CTDP1: variants seen among roughly 807,000 people sequenced by gnomAD.
The protein encoded by CTDP1 is RNA polymerase II subunit A C-terminal domain phosphatase.
In CTDP1, 47 loss-of-function variants were observed where a neutral mutation model predicts 91.8. That is an observed-to-expected ratio of 0.51 (90% CI 0.41 to 0.65). CTDP1 has a LOEUF of 0.65. Among genes scored for constraint, CTDP1 ranks in the 30% least tolerant of loss-of-function variants. CTDP1 has a pLI of 0.00. For synonymous variants in CTDP1, 656 were observed against 598.5 expected (o/e 1.10, Z -1.40); for missense variants, 1,272 against 1,373.7 (o/e 0.93, Z 1.17).
chr18:79,749,533 C>T (rs2086952547), intron 12 of CTDP1, among the ~76,000 whole-genome samples: 1 of 134,642 alleles, frequency 7.4e-6, no homozygotes, highest in South Asian at 2.4e-4. Context: ...GGCCCGCCCC[C>T]TCCTGGACTT....
In CTDP1 at chr18:79,710,425, G is replaced by A. The variant is rs764711170; in HGVS notation, c.852G>A (p.Thr284=). The part of the protein sequence containing the change: ...RDECIDPFSK[T]GNLRNLFPCG... ...AATGTATTGACCCATTTTCTAAAAC[G>A]GGAAACCTTAGGTATGTACCCAGCC... is the stretch of plus-strand genomic sequence containing the variant. The change falls in exon 6 of 13, where the codon ACG becomes ACA. Residue 284 remains threonine (T), a synonymous_variant. Transcript: ENST00000613122. 75 of 1,613,114 alleles carry A rather than the reference G, an allele frequency of 4.6e-5. No individual in the cohort carries two copies. The highest frequency in any genetic ancestry group is 5.6e-5 in the Non-Finnish European group (66 of 1,179,388).
At chr18:79,724,731 G>C (rs939655842) in intron 10 of CTDP1, among the ~76,000 whole-genome samples, 11 of 152,208 alleles carry the variant, frequency 7.2e-5, no homozygotes, top group Admixed American at 6.5e-4. Flanking sequence ...TGCTTTTGCT[G>C]TGAAGTTAAC....
intron 11 of CTDP1, among the ~76,000 whole-genome samples, chr18:79,734,566 C>A (rs2086629639): frequency 6.6e-6 from 1 of 151,076 alleles, no homozygotes; most frequent in Non-Finnish European, 1.5e-5. Flanking sequence ...ACGTCTGAGG[C>A]CCTCCCAGGT....
intron 11 of CTDP1, among the ~76,000 whole-genome samples, chr18:79,732,474 G>A (rs1430562562): frequency 2.5e-5 from 2 of 79,666 alleles, no homozygotes; most frequent in African/African-American, 4.7e-5. Context: ...CCAAAATCAC[G>A]TGAGACATGA....
At chr18:79,693,344 G>A (rs994709463) in intron 1 of CTDP1, among the ~76,000 whole-genome samples, 1 of 152,016 alleles carries the variant, frequency 6.6e-6, no homozygotes, top group Non-Finnish European at 1.5e-5. Context: ...ATCATTCATT[G>A]TAAAGTATTT....
chr18:79,732,551 A>G (rs2086587567), intron 11 of CTDP1, among the ~76,000 whole-genome samples: 1 of 136,138 alleles, frequency 7.3e-6, no homozygotes, highest in Admixed American at 7.1e-5. Flanking sequence ...AGTGCTCCCA[A>G]AATCACGTGA....
chr18:79,688,341 T>C (rs1010223212), intron 1 of CTDP1, among the ~76,000 whole-genome samples: 3 of 152,262 alleles, frequency 2.0e-5, no homozygotes, highest in African/African-American at 7.2e-5. Context: ...CTCAGTTCAC[T>C]GCAACCTCCA....
At chr18:79,737,131 T>C (rs2086686329) in intron 12 of CTDP1, among the ~76,000 whole-genome samples, 1 of 152,230 alleles carries the variant, frequency 6.6e-6, no homozygotes, top group East Asian at 1.9e-4. Context: ...TCCTTCGCCA[T>C]GAATGAGGCC....
At position 79,695,288 on chromosome 18, in the gene CTDP1, A is replaced by G; in HGVS notation, c.378A>G (p.Glu126=). 2 of 1,614,134 alleles carry G rather than the reference A, an allele frequency of 1.2e-6. No homozygotes were observed. Among genetic ancestry groups the G allele is most frequent in the Non-Finnish European group, 8.5e-7 (1 of 1,180,016 alleles). Residue 126 remains glutamate, a synonymous_variant, in exon 2 of 13, where the codon GAA becomes GAG. Transcript: ENST00000613122. ...TTGTCATGAAAGGCCTGTGTGCTGA[A>G]TGTGGCCAAGACCTCACCCAGTAAG... is the stretch of plus-strand genomic sequence containing the variant. ...HPVVMKGLCA[E]CGQDLTQLQS...
At chr18:79,705,431 G>A (rs546899786) in intron 5 of CTDP1, among the ~76,000 whole-genome samples, 8 of 152,304 alleles carry the variant, frequency 5.3e-5, no homozygotes, top group African/African-American at 1.2e-4. Flanking sequence ...GCCACGGGAC[G>A]GTGACTGTCC....
Position 79,728,879 on chromosome 18 carries a change from C to T in CTDP1, c.2418-28C>T, listed in dbSNP as rs934406373. The T allele has an allele frequency of 4.3e-6, 7 of 1,612,898 alleles. No homozygotes were observed. In the African/African-American group the frequency reaches 9.3e-5, roughly 22 times the overall value. On this transcript the variant is annotated intron_variant, in intron 10 of 12. Transcript: ENST00000613122. ...AAGTGCCATTCGAACTGACCTTCCT[C>T]ATGTGGGACCTATGAAATTCCTTTC...
At chr18:79,732,659 ACTGT>A (rs1359686734) in intron 11 of CTDP1, among the ~76,000 whole-genome samples, 2 of 149,408 alleles carry the variant, frequency 1.3e-5, no homozygotes, top group African/African-American at 2.5e-5. Flanking sequence ...GTAAGAACTC[ACTGT>A]CATCAGGAGT....
At chr18:79,734,078 G>T (rs11662106) in intron 11 of CTDP1, among the ~76,000 whole-genome samples, 4 of 152,144 alleles carry the variant, frequency 2.6e-5, no homozygotes, top group South Asian at 2.1e-4. Flanking sequence ...ACGTGTGTTT[G>T]GTAGAAACCA....
intron 1 of CTDP1, among the ~76,000 whole-genome samples, chr18:79,690,728 A>C (rs1383649310): frequency 6.6e-6 from 1 of 152,204 alleles, no homozygotes; most frequent in Non-Finnish European, 1.5e-5. Flanking sequence ...AGCATCCTGC[A>C]TGCTGTGGGT....
At chr18:79,677,553 A>T (rs1172191781), upstream of CTDP1, 3 of 152,270 alleles carry the variant, frequency 2.0e-5, no homozygotes, top group Non-Finnish European at 4.4e-5. Context: ...CAATTAGATG[A>T]CTGTTCACTA....
intron 4 of CTDP1, among the ~76,000 whole-genome samples, chr18:79,704,266 C>T (rs576105293): frequency 5.3e-5 from 8 of 152,362 alleles, no homozygotes; most frequent in African/African-American, 1.9e-4. Context: ...GGACATGCGT[C>T]CTCTGTCCCA....
At chr18:79,731,433 C>T (rs994169063) in intron 11 of CTDP1, among the ~76,000 whole-genome samples, 1 of 152,196 alleles carries the variant, frequency 6.6e-6, no homozygotes, top group Admixed American at 6.5e-5. Context: ...TTCCCCGCCC[C>T]TCATGTGAGG....
chr18:79,744,000 C>T (rs946186913), intron 12 of CTDP1, among the ~76,000 whole-genome samples: 2 of 152,106 alleles, frequency 1.3e-5, no homozygotes, highest in Admixed American at 6.6e-5. Flanking sequence ...AGGGCAAACC[C>T]GCCACCCATT....
intron 10 of CTDP1, among the ~76,000 whole-genome samples, chr18:79,728,250 CCA>C (rs1230055972): frequency 6.6e-6 from 1 of 152,084 alleles, no homozygotes; most frequent in Non-Finnish European, 1.5e-5. Context: ...CAGGCGTGCA[CCA>C]CCACACCGGG....
Sources: allele counts gnomAD v4.1 joint callset (sites outside exome capture counted in the v4.1 genomes callset), GRCh38; gene constraint gnomAD v4.1.1; transcripts MANE v1.5; gene names NCBI Gene and HGNC (gene_info 2026-07-23, HGNC 2026-07-21).